The following TPD52 variants were observed in gnomAD, a reference collection of about 807,000 sequenced individuals.
The protein encoded by TPD52 is prostate and colon associated protein.
TPD52 carries 17 observed loss-of-function variants against 31.3 expected under a neutral mutation model. The ratio of observed to expected loss-of-function variants is 0.54; its 90% confidence interval spans 0.37 to 0.82. The LOEUF is 0.82. Ranked by LOEUF, TPD52 falls within the 40% of genes least tolerant of loss-of-function variation. The probability of loss-of-function intolerance (pLI) is 0.00; values close to 1 mark genes in which losing one functional copy is unlikely to be tolerated. For missense variants in TPD52, 212 were observed against 240.1 expected (o/e 0.88, Z 0.77); for synonymous variants, 83 against 89.6 (o/e 0.93, Z 0.42).
chr8:80,154,661 CAATT>C (rs1364952053), intron 1 of TPD52, among the ~76,000 whole-genome samples: 1 of 151,212 alleles, frequency 6.6e-6, no homozygotes, highest in African/African-American at 2.4e-5. Context: ...TTTAAATTCT[CAATT>C]AATAATTCAA....
At chr8:80,053,248 C>G in intron 3 of TPD52, 34 bp downstream of exon 3, 1 of 1,607,822 alleles carries the variant, frequency 6.2e-7, no homozygotes, top group South Asian at 1.1e-5. Flanking sequence ...GTCCTTTACA[C>G]TCCCAAGGAA....
At chr8:80,038,700 A>G (rs969688898) in intron 7 of TPD52, among the ~76,000 whole-genome samples, 2 of 152,182 alleles carry the variant, frequency 1.3e-5, no homozygotes, top group African/African-American at 2.4e-5. Flanking sequence ...TTTAATACTT[A>G]AAGTGTGGTT....
intron 2 of TPD52, among the ~76,000 whole-genome samples, chr8:80,057,686 G>C (rs985383749): frequency 4.6e-5 from 7 of 152,286 alleles, no homozygotes; most frequent in African/African-American, 1.7e-4. Context: ...GGGAGAGTTG[G>C]GGGAAAGAGC....
intron 6 of TPD52, among the ~76,000 whole-genome samples, chr8:80,043,184 A>C (rs563326492): frequency 6.6e-6 from 1 of 152,324 alleles, no homozygotes; most frequent in African/African-American, 2.4e-5. Flanking sequence ...AGGGACCAAA[A>C]AGAAGGGGGA....
downstream of TPD52, among the ~76,000 whole-genome samples, chr8:80,032,325 C>T (rs1190044613): frequency 2.0e-5 from 3 of 152,090 alleles, no homozygotes; most frequent in South Asian, 2.1e-4. Context: ...ATACAAGTGC[C>T]AAGAGTAGCA....
rs1293488182 is a variant in TPD52, at chr8:80,036,133, C to T, written c.*1983G>A. On this transcript the variant is annotated 3_prime_UTR_variant, in exon 8 of 8. Coordinates refer to ENST00000518937, the MANE Select transcript of TPD52 (RefSeq NM_001025253.3). ...CCCCCAATACCCACCTTCATCCACT[C>T]ACCCCACTTGCCACCCCCATTTCTA... The T allele has an allele frequency of 1.3e-5, 2 of 152,140 alleles. No individual in the cohort carries two copies. Among genetic ancestry groups the T allele is most frequent in the Admixed American group, 1.3e-4 (2 of 15,270 alleles). 9.4% of individuals were successfully genotyped at this position (152,140 alleles called of 1,614,324 possible). A position where few individuals can be genotyped will look rare whatever the true frequency, so the allele number is the denominator to read the frequency against.
intron 1 of TPD52, among the ~76,000 whole-genome samples, chr8:80,095,946 C>CTACA (rs35841969): frequency 0.42 from 62,747 of 150,412 alleles, 13,808 homozygotes; most frequent in East Asian, 0.66. Flanking sequence ...GACTCCATCT[C>CTACA]TACATACATA....
At chr8:80,144,510 C>T (rs887392762) in intron 1 of TPD52, among the ~76,000 whole-genome samples, 6 of 152,210 alleles carry the variant, frequency 3.9e-5, no homozygotes, top group Non-Finnish European at 7.3e-5. Context: ...CCAGCACCTG[C>T]CTCTCCATAG....
At position 80,051,736 on chromosome 8, in the gene TPD52, G is replaced by C. The variant is rs1374829862; in HGVS notation, c.285-108C>G. The C allele has an allele frequency of 1.0e-5, 9 of 865,144 alleles. No homozygotes were observed. In the East Asian group the frequency reaches 2.2e-4, roughly 21 times the overall value. 53.6% of individuals were successfully genotyped at this position (865,144 alleles called of 1,614,324 possible). ...CCACCTGCTGGAGAACTCTCAAAAAGAGAAAACATTTTTCAGAACTTCTAA... is the reference window on the plus strand; with the variant it reads ...CCACCTGCTGGAGAACTCTCAAAAACAGAAAACATTTTTCAGAACTTCTAA... On this transcript the variant is annotated intron_variant, in intron 3 of 7. Coordinates refer to ENST00000518937, the MANE Select transcript of TPD52 (RefSeq NM_001025253.3).
chr8:80,171,090 G>C, intron 1 of TPD52: 1 of 624,404 alleles, frequency 1.6e-6, no homozygotes. Flanking sequence ...TGGCTGCGCC[G>C]TGCTCCCTTC....
chr8:80,064,433 C>T (rs1812892454), intron 2 of TPD52, 45 bp downstream of exon 2: 13 of 1,427,780 alleles, frequency 9.1e-6, no homozygotes, highest in Non-Finnish European at 1.3e-5. Context: ...AATGACAGTA[C>T]ATTTTAAGTG....
chr8:80,085,196 C>T (rs902385612), intron 1 of TPD52, among the ~76,000 whole-genome samples: 1 of 152,142 alleles, frequency 6.6e-6, no homozygotes, highest in African/African-American at 2.4e-5. Context: ...GCTCACGCAC[C>T]ACTATGCCAG....
chr8:80,088,569 AC>A (rs1816004590), intron 1 of TPD52, among the ~76,000 whole-genome samples: 2 of 151,966 alleles, frequency 1.3e-5, no homozygotes, highest in Non-Finnish European at 2.9e-5. Flanking sequence ...GATCATTCTC[AC>A]CCCTGTCTGA....
rs1348470427 is a variant in TPD52 at position 80,035,074 on chromosome 8, T to G, written c.*3042A>C. On this transcript the variant is annotated 3_prime_UTR_variant, in exon 8 of 8. Coordinates refer to ENST00000518937, the MANE Select transcript of TPD52 (RefSeq NM_001025253.3). ...TATATTAACTGTGGCCCACACAGGG[T>G]CTCTCTAATCTAATGAAAACAGGAC... 1 of 152,128 alleles carries G rather than the reference T, an allele frequency of 6.6e-6. No homozygotes were observed. Among genetic ancestry groups the G allele is most frequent in the East Asian group, 1.9e-4 (1 of 5,200 alleles). The allele number at this position is 152,128 out of a possible 1,614,324, so 9.4% of individuals were successfully genotyped here. A position where few individuals can be genotyped will look rare whatever the true frequency, so the allele number is the denominator to read the frequency against.
At chr8:80,169,032 T>A (rs1228985897) in intron 1 of TPD52, among the ~76,000 whole-genome samples, 1 of 152,252 alleles carries the variant, frequency 6.6e-6, no homozygotes, top group Non-Finnish European at 1.5e-5. Flanking sequence ...TCGCCCAGGC[T>A]GGAGTGCAGT....
At chr8:80,044,265 A>G in intron 5 of TPD52, 57 bp from the exon 6 acceptor site, 1 of 1,390,174 alleles carries the variant, frequency 7.2e-7, no homozygotes, top group East Asian at 2.7e-5. Flanking sequence ...GTGCTTCAAC[A>G]TTATTAAAAG....
In TPD52 at chr8:80,036,023, C is replaced by T. The variant is rs1809881593; in HGVS notation, c.*2093G>A. 1 of 152,128 alleles carries T rather than the reference C, an allele frequency of 6.6e-6. No individual in the cohort carries two copies. Among genetic ancestry groups the T allele is most frequent in the East Asian group, 1.9e-4 (1 of 5,196 alleles). The allele number at this position is 152,128 out of a possible 1,614,324, so 9.4% of individuals were successfully genotyped here. A position where few individuals can be genotyped will look rare whatever the true frequency, so the allele number is the denominator to read the frequency against. The stretch of plus-strand genomic sequence containing the variant: ...AATACTTCTTTCAAGGGGCAGAGTA[C>T]TTTACAGTAGATTACTTTGTTTCTT... On this transcript the variant is annotated 3_prime_UTR_variant, in exon 8 of 8. Transcript: ENST00000518937.
chr8:80,090,189 C>T (rs1236660303), intron 1 of TPD52, among the ~76,000 whole-genome samples: 2 of 151,942 alleles, frequency 1.3e-5, no homozygotes. Context: ...GCCTGGAGTT[C>T]AAGGCCAGCA....
intron 1 of TPD52, among the ~76,000 whole-genome samples, chr8:80,107,141 A>G (rs1074787): frequency 0.65 from 98,432 of 152,002 alleles, 33,463 homozygotes; most frequent in African/African-American, 0.86. Flanking sequence ...GTGAGCCACC[A>G]TGCCCGGCCA....
Sources: gnomAD v4.1 joint callset for allele counts (sites outside exome capture counted in the v4.1 genomes callset) on GRCh38, gnomAD v4.1.1 for gene constraint, MANE v1.5 for transcripts, NCBI Gene and HGNC (gene_info 2026-07-23, HGNC 2026-07-21) for gene names.